Variants in POU6F2 observed in about 807,000 individuals in gnomAD.
The protein encoded by POU6F2 is POU domain, class 6, transcription factor 2.
A neutral mutation model predicts 71.3 loss-of-function variants in POU6F2; 31 were observed. That is an observed-to-expected ratio of 0.43 (90% CI 0.33 to 0.59). The LOEUF is 0.59. POU6F2 is among the 20% of genes least tolerant of loss of function. The probability of loss-of-function intolerance (pLI) is 0.04; values close to 1 mark genes in which losing one functional copy is unlikely to be tolerated. For missense variants in POU6F2, 783 were observed against 856.8 expected, an observed-to-expected ratio of 0.91 and a Z score of 1.07; for synonymous variants, 347 against 355.7, an observed-to-expected ratio of 0.98 and a Z score of 0.27.
chr7:39,323,100 A>T (rs1222021407), intron 4 of POU6F2, among the ~76,000 whole-genome samples: 1 of 150,996 alleles, frequency 6.6e-6, no homozygotes, highest in Non-Finnish European at 1.5e-5. Context: ...GAGAGAGAAG[A>T]CAGGAAGATT....
At chr7:39,214,202 T>G (rs1259216990) in intron 4 of POU6F2, among the ~76,000 whole-genome samples, 2 of 152,220 alleles carry the variant, frequency 1.3e-5, no homozygotes, top group African/African-American at 4.8e-5. Context: ...TAAATCAGCC[T>G]TGATGTGAGG....
intron 1 of POU6F2, among the ~76,000 whole-genome samples, chr7:39,052,442 T>C (rs1790417652): frequency 6.6e-6 from 1 of 152,024 alleles, no homozygotes; most frequent in Non-Finnish European, 1.5e-5. Flanking sequence ...AAGACACCTC[T>C]TCACAGGGCA....
At chr7:39,080,521 A>G (rs1791095594) in intron 1 of POU6F2, among the ~76,000 whole-genome samples, 1 of 152,206 alleles carries the variant, frequency 6.6e-6, no homozygotes, top group Admixed American at 6.5e-5. Context: ...GGAAAATCCA[A>G]TACATTTTTT....
At chr7:38,998,834 TTTTTTA>T (rs1788817464) in intron 1 of POU6F2, among the ~76,000 whole-genome samples, 1 of 135,092 alleles carries the variant, frequency 7.4e-6, no homozygotes, top group African/African-American at 2.7e-5. Flanking sequence ...TTTTTTTTTT[TTTTTTA>T]TTTTCAGTAG....
intron 4 of POU6F2, among the ~76,000 whole-genome samples, chr7:39,327,288 A>AC (rs1785527169): frequency 6.6e-6 from 1 of 151,978 alleles, no homozygotes; most frequent in African/African-American, 2.4e-5. Context: ...CAAAAAAAAA[A>AC]AAAACAGAAA....
chr7:39,156,396 CT>C (rs1792871026), intron 2 of POU6F2, among the ~76,000 whole-genome samples: 2 of 152,086 alleles, frequency 1.3e-5, no homozygotes, highest in South Asian at 2.1e-4. Context: ...TTAACCCTGT[CT>C]CTAGTCTTCA....
intron 5 of POU6F2, among the ~76,000 whole-genome samples, chr7:39,371,983 A>G (rs1250245253): frequency 2.6e-5 from 4 of 152,168 alleles, no homozygotes; most frequent in Non-Finnish European, 4.4e-5. Flanking sequence ...TGATGCAATC[A>G]TGGCTCACTT....
intron 4 of POU6F2, among the ~76,000 whole-genome samples, chr7:39,337,366 A>G (rs935951190): frequency 6.6e-5 from 10 of 152,194 alleles, no homozygotes; most frequent in African/African-American, 2.4e-4. Flanking sequence ...TACATTTAAC[A>G]TTGGCCTATG....
At chr7:39,317,324 C>A (rs1785287905) in intron 4 of POU6F2, among the ~76,000 whole-genome samples, 1 of 152,204 alleles carries the variant, frequency 6.6e-6, no homozygotes, top group Non-Finnish European at 1.5e-5. Flanking sequence ...AAAGCCAGCA[C>A]ACACCCAGAG....
intron 5 of POU6F2, among the ~76,000 whole-genome samples, chr7:39,346,225 A>C (rs1786030820): frequency 6.6e-6 from 1 of 152,336 alleles, no homozygotes; most frequent in Non-Finnish European, 1.5e-5. Context: ...GTTTACCAAG[A>C]ATCTACTCAT....
At chr7:38,979,183 A>C (rs1019605187) in intron 1 of POU6F2, among the ~76,000 whole-genome samples, 4 of 130,442 alleles carry the variant, frequency 3.1e-5, no homozygotes, top group African/African-American at 1.2e-4. Context: ...TATGGTCACG[A>C]ATATTTATAA....
chr7:39,407,161 G>T (rs115576295), intron 6 of POU6F2, among the ~76,000 whole-genome samples: 1 of 151,960 alleles, frequency 6.6e-6, no homozygotes, highest in Non-Finnish European at 1.5e-5. Context: ...CTGTGAGAGA[G>T]ATATCAAAAT....
intron 4 of POU6F2, among the ~76,000 whole-genome samples, chr7:39,212,493 A>G (rs763337347): frequency 5.3e-5 from 8 of 152,118 alleles, no homozygotes; most frequent in Admixed American, 2.0e-4. Context: ...CTGTGTCCCT[A>G]TGTGAAATAA....
chr7:39,344,783 T>C (rs893105026), intron 5 of POU6F2, among the ~76,000 whole-genome samples: 4 of 152,220 alleles, frequency 2.6e-5, no homozygotes, highest in Non-Finnish European at 5.9e-5. Context: ...TCAGTTCCAT[T>C]GGAGTTTTAT....
chr7:39,297,461 AC>A (rs1317438600), intron 4 of POU6F2, among the ~76,000 whole-genome samples: 2 of 152,192 alleles, frequency 1.3e-5, no homozygotes, highest in Non-Finnish European at 2.9e-5. Flanking sequence ...GTTGCCTCAG[AC>A]CAATCTCTTA....
At chr7:39,324,831 T>C (rs1363350855) in intron 4 of POU6F2, among the ~76,000 whole-genome samples, 1 of 152,206 alleles carries the variant, frequency 6.6e-6, no homozygotes, top group Admixed American at 6.5e-5. Flanking sequence ...ATGACCCTTT[T>C]CTCGCAGCAG....
At chr7:39,439,972 T>C (rs536768840) in intron 7 of POU6F2, among the ~76,000 whole-genome samples, 4 of 152,352 alleles carry the variant, frequency 2.6e-5, no homozygotes, top group South Asian at 2.1e-4. Context: ...AAATTCTAGA[T>C]TGAAAATTCT....
chr7:39,422,439 C>T (rs1000613622), intron 6 of POU6F2, among the ~76,000 whole-genome samples: 1 of 152,082 alleles, frequency 6.6e-6, no homozygotes, highest in East Asian at 1.9e-4. Context: ...TCTCATGTGC[C>T]CTTGTTATAA....
chr7:39,327,140 G>A lies in POU6F2; in HGVS notation c.599-12502G>A, dbSNP rs538527392. ...TAAAAATACAAAAAATCAGCCTGGCGTGGTGGCGGGCGCCTGTAGTCCCAG... is the reference window on the plus strand; with the variant it reads ...TAAAAATACAAAAAATCAGCCTGGCATGGTGGCGGGCGCCTGTAGTCCCAG... On this transcript the variant is annotated intron_variant, in intron 4 of 9. Transcript: ENST00000518318. Among the ~76,000 whole-genome samples, 16 of 152,122 alleles carry A rather than the reference G, an allele frequency of 1.1e-4. No individual in the cohort carries two copies. In the South Asian group the frequency reaches 1.7e-3, roughly 16 times the overall value.
Sources: allele counts gnomAD v4.1 joint callset (sites outside exome capture counted in the v4.1 genomes callset), GRCh38; gene constraint gnomAD v4.1.1; transcripts MANE v1.5; gene names NCBI Gene and HGNC (gene_info 2026-07-23, HGNC 2026-07-21).